The following CABP1 variants were observed in gnomAD, a reference collection of about 807,000 sequenced individuals.
CABP1 encodes the protein calcium-binding protein 1.
Under a neutral mutation model 34.3 loss-of-function variants are expected in CABP1, and 17 were observed. That is an observed-to-expected ratio of 0.50 (90% CI 0.34 to 0.74). CABP1 has a LOEUF of 0.74. Among genes scored for constraint, CABP1 ranks in the 30% least tolerant of loss-of-function variants. CABP1 has a pLI of 0.01. For missense variants in CABP1, 373 were observed against 511.1 expected (o/e 0.73, Z 2.61); for synonymous variants, 198 against 229.2 (o/e 0.86, Z 1.23).
the CABP1 span, among the ~76,000 whole-genome samples, chr12:120,679,819 C>T: frequency 1.3e-5 from 2 of 151,324 alleles, no homozygotes; most frequent in Non-Finnish European, 2.9e-5. Context: ...AAGAGCGAAA[C>T]TCTGTCTCAA....
Position 120,661,196 on chromosome 12 carries a change from G to A in CABP1, c.1065G>A (p.Gly355=). Residue 355 remains glycine, a synonymous_variant, in exon 5 of 6, where the codon GGG becomes GGA. Transcript: ENST00000316803. The surrounding 1 kb of genome is among the most constrained non-coding windows in gnomAD (Gnocchi z 5.1). ...EEIIRDVDLN[G]DGRVDFEEFV... ...TTATCCGAGATGTGGACCTCAATGG[G>A]GATGGACGAGTGGACTTTGAAGGTA... The A allele has an allele frequency of 6.2e-7, 1 of 1,609,882 alleles. No homozygotes were observed. The highest frequency in any genetic ancestry group is 8.5e-7 in the Non-Finnish European group (1 of 1,179,820).
In CABP1 at chr12:120,661,325, A is replaced by C; in HGVS notation, c.1087+107A>C. On this transcript the variant is annotated intron_variant, in intron 5 of 5. Transcript: ENST00000316803. This position sits in a 1 kb window ranked among gnomAD's most constrained non-coding sequence, Gnocchi z 5.1. ...ACCATCAATCCGCCCTAATTTTCCA[A>C]CCCCCAGCCCTTTCATCCTCTTATC... 7.5e-7 allele frequency: 1 copy of C among 1,336,592 alleles called. No individual in the cohort carries two copies. Among genetic ancestry groups the C allele is most frequent in the Non-Finnish European group, 1.0e-6 (1 of 986,468 alleles). 82.8% of individuals were successfully genotyped at this position (1,336,592 alleles called of 1,614,324 possible).
chr12:120,666,071 A>C (rs1189891551), intron 5 of CABP1, among the ~76,000 whole-genome samples: 2 of 143,908 alleles, frequency 1.4e-5, no homozygotes, highest in Non-Finnish European at 3.1e-5. Flanking sequence ...CGGTGGCCAC[A>C]CCTGTAATCC....
At chr12:120,653,492 G>A (rs1015055728) in intron 1 of CABP1, among the ~76,000 whole-genome samples, 3 of 152,164 alleles carry the variant, frequency 2.0e-5, no homozygotes, top group Non-Finnish European at 2.9e-5. Context: ...AAAGCCAGCA[G>A]GCTAAACTGC....
At chr12:120,650,314 T>C (rs1879763110) in intron 1 of CABP1, 1 of 425,164 alleles carries the variant, frequency 2.4e-6, no homozygotes, top group East Asian at 4.5e-5. Flanking sequence ...TTGGTTCCCC[T>C]CTGCCATCAG....
chr12:120,660,061 C>A lies in CABP1; in HGVS notation c.686-135C>A. On this transcript the variant is annotated intron_variant, in intron 2 of 5. Coordinates refer to ENST00000316803, the MANE Select transcript of CABP1 (RefSeq NM_001033677.2). The surrounding 1 kb of genome is among the most constrained non-coding windows in gnomAD (Gnocchi z 5.0). The stretch of plus-strand genomic sequence containing the variant: ...AGCTGCTGAAGGTGTGCACAGGAGG[C>A]AAGAGAAATGCCCCAGCATCCTGGG... 1 of 1,328,180 alleles carries A rather than the reference C, an allele frequency of 7.5e-7. No individual in the cohort carries two copies. Among genetic ancestry groups the A allele is most frequent in the Non-Finnish European group, 1.1e-6 (1 of 949,756 alleles). 82.3% of individuals were successfully genotyped at this position (1,328,180 alleles called of 1,614,324 possible). A position where few individuals can be genotyped will look rare whatever the true frequency, so the allele number is the denominator to read the frequency against.
At chr12:120,662,978 T>C (rs922975546) in intron 5 of CABP1, among the ~76,000 whole-genome samples, 9 of 151,950 alleles carry the variant, frequency 5.9e-5, no homozygotes, top group Admixed American at 5.9e-4. Context: ...AGCCACTGCA[T>C]CTGGCCTATC....
chr12:120,660,852 A>T lies in CABP1; in HGVS notation c.939+12A>T. 2 of 1,579,554 alleles carry T rather than the reference A, an allele frequency of 1.3e-6. No homozygotes were observed. Among genetic ancestry groups the T allele is most frequent in the Non-Finnish European group, 1.7e-6 (2 of 1,148,496 alleles). On this transcript the variant is annotated intron_variant, in intron 4 of 5. Transcript: ENST00000316803. This position sits in a 1 kb window ranked among gnomAD's most constrained non-coding sequence, Gnocchi z 5.0. ...ATGCTTTCCGAGAGGTAACGGACAG[A>T]GGCAGGCAGGCATGGGGCGGCTATT...
chr12:120,667,153 C>G lies in CABP1; in HGVS notation c.*253C>G. On this transcript the variant is annotated 3_prime_UTR_variant, in exon 6 of 6. Transcript: ENST00000316803. The stretch of plus-strand genomic sequence containing the variant: ...CCAAGCCGGCAGAGGTCATGCCAGG[C>G]GCCAAGGGCCATGTGCCCAGCTGCT... 3.5e-6 allele frequency: 2 copies of G among 574,282 alleles called. No individual in the cohort carries two copies. The highest frequency in any genetic ancestry group is 4.2e-5 in the South Asian group (2 of 48,164). The allele number at this position is 574,282 out of a possible 1,614,324, so 35.6% of individuals were successfully genotyped here.
At chr12:120,678,776 A>G in the CABP1 span, among the ~76,000 whole-genome samples, 1 of 152,146 alleles carries the variant, frequency 6.6e-6, no homozygotes, top group African/African-American at 2.4e-5. Context: ...TGCTAATTTT[A>G]AAAACCACAT....
the CABP1 span, among the ~76,000 whole-genome samples, chr12:120,675,630 G>A: frequency 2.0e-5 from 3 of 152,196 alleles, no homozygotes; most frequent in Non-Finnish European, 4.4e-5. Flanking sequence ...GAAATCTCTG[G>A]CCTGACATAT....
intron 5 of CABP1, chr12:120,662,070 A>G (rs1880684035): frequency 6.6e-6 from 1 of 152,148 alleles, no homozygotes. Flanking sequence ...TTCCTCATCT[A>G]TATCCATCTA....
At chr12:120,650,359 C>CCTTAAGAAAGTGACTTTCCCTGTG in intron 1 of CABP1, 1 of 774,238 alleles carries the variant, frequency 1.3e-6, no homozygotes, top group Non-Finnish European at 1.9e-6. Flanking sequence ...CCTGCACTCT[C>CCTTAAGAAAGTGACTTTCCCTGTG]CCCTTCTGCT....
Position 120,661,343 on chromosome 12 carries a change from C to A in CABP1, c.1087+125C>A. On this transcript the variant is annotated intron_variant, in intron 5 of 5. Coordinates refer to ENST00000316803, the MANE Select transcript of CABP1 (RefSeq NM_001033677.2). This position sits in a 1 kb window ranked among gnomAD's most constrained non-coding sequence, Gnocchi z 5.1. ...TTTTCCAACCCCCAGCCCTTTCATC[C>A]TCTTATCCCTCCGTCCATGCCCCCG... The A allele has an allele frequency of 9.4e-7, 1 of 1,064,988 alleles. No homozygotes were observed. Among genetic ancestry groups the A allele is most frequent in the Non-Finnish European group, 1.3e-6 (1 of 751,040 alleles). The allele number at this position is 1,064,988 out of a possible 1,614,324, so 66.0% of individuals were successfully genotyped here.
intron 1 of CABP1, among the ~76,000 whole-genome samples, chr12:120,649,153 C>T (rs1415198151): frequency 2.0e-5 from 3 of 152,086 alleles, no homozygotes; most frequent in African/African-American, 7.2e-5. Context: ...AGCAGCAGCA[C>T]CGGGGAGGTC....
chr12:120,640,938 G>T lies in CABP1; in HGVS notation c.253G>T (p.Ala85Ser). 8.9e-7 allele frequency: 1 copy of T among 1,129,118 alleles called. No individual in the cohort carries two copies. The highest frequency in any genetic ancestry group is 4.6e-5 in the East Asian group (1 of 21,642). 69.9% of individuals were successfully genotyped at this position (1,129,118 alleles called of 1,614,324 possible). The change falls in exon 1 of 6, where the codon GCT (alanine) becomes TCT (serine). Residue 85 changes from alanine to serine, a missense_variant. Physicochemically the swap from Ala to Ser is moderately conservative, Grantham distance 99. Transcript: ENST00000316803. The surrounding 1 kb of genome is among the most constrained non-coding windows in gnomAD (Gnocchi z 6.2). The part of the protein sequence containing the change: ...AAAAASGGSR[A>S]PRHGPARDPG... ...GGCGGCGGCGAGCGGGGGCAGCCGG[G>T]CTCCCCGCCACGGCCCTGCCCGGGA...
intron 1 of CABP1, among the ~76,000 whole-genome samples, chr12:120,653,824 C>T (rs751428371): frequency 7.2e-5 from 11 of 152,264 alleles, no homozygotes; most frequent in Admixed American, 2.0e-4. Context: ...TGAGCCACCA[C>T]GCCCGGCCCG....
At chr12:120,665,695 G>A (rs895211942) in intron 5 of CABP1, among the ~76,000 whole-genome samples, 2 of 149,522 alleles carry the variant, frequency 1.3e-5, no homozygotes, top group African/African-American at 4.9e-5. Context: ...TTTCTAATCC[G>A]TTTTGCCATA....
At chr12:120,666,473 C>CAAAA (rs55848637) in intron 5 of CABP1, among the ~76,000 whole-genome samples, 2 of 81,130 alleles carry the variant, frequency 2.5e-5, no homozygotes, top group Non-Finnish European at 4.7e-5. Context: ...GACTCCATCT[C>CAAAA]AAAAAAAAAA....
Sources: gnomAD v4.1 joint callset for allele counts (sites outside exome capture counted in the v4.1 genomes callset) on GRCh38, gnomAD v4.1.1 for gene constraint, Gnocchi (gnomAD v3.1) non-coding constraint, MANE v1.5 for transcripts, NCBI Gene and HGNC (gene_info 2026-07-23, HGNC 2026-07-21) for gene names.